OPCML: variants seen among roughly 807,000 people sequenced by gnomAD.
OPCML encodes opioid-binding protein/cell adhesion molecule.
OPCML carries 13 observed loss-of-function variants against 37.8 expected under a neutral mutation model. That is an observed-to-expected ratio of 0.34 (90% CI 0.22 to 0.55). OPCML has a LOEUF of 0.55. Ranked by LOEUF, OPCML falls within the 20% of genes least tolerant of loss-of-function variation. OPCML has a pLI of 0.91. For synonymous variants in OPCML, 176 were observed against 168.8 expected (o/e 1.04, Z -0.33); for missense variants, 341 against 435.6 (o/e 0.78, Z 1.93).
At chr11:133,372,778 T>C (rs1397168768) in intron 1 of OPCML, among the ~76,000 whole-genome samples, 1 of 152,220 alleles carries the variant, frequency 6.6e-6, no homozygotes, top group Non-Finnish European at 1.5e-5. Flanking sequence ...TTTGGTGGCC[T>C]TGTAGCAAGG....
intron 2 of OPCML, among the ~76,000 whole-genome samples, chr11:132,866,306 C>G (rs1189603645): frequency 1.3e-5 from 2 of 152,224 alleles, no homozygotes; most frequent in African/African-American, 4.8e-5. Context: ...GATTCTGCCA[C>G]ACCAAGGGGA....
chr11:132,780,704 G>C (rs1202818899), intron 2 of OPCML, among the ~76,000 whole-genome samples: 3 of 152,192 alleles, frequency 2.0e-5, no homozygotes, highest in Non-Finnish European at 4.4e-5. Context: ...GGCCGTGAGT[G>C]TGTGTCATGA....
chr11:132,799,899 G>A (rs977148143), intron 2 of OPCML, among the ~76,000 whole-genome samples: 9 of 151,998 alleles, frequency 5.9e-5, no homozygotes, highest in Non-Finnish European at 1.3e-4. Context: ...AGTTCATTTC[G>A]GCTATTCTGG....
chr11:132,922,674 T>C (rs995971912), intron 2 of OPCML, among the ~76,000 whole-genome samples: 2 of 152,184 alleles, frequency 1.3e-5, no homozygotes, highest in African/African-American at 4.8e-5. Context: ...TTTTGGTACA[T>C]TTTAACAAAA....
intron 1 of OPCML, among the ~76,000 whole-genome samples, chr11:133,354,837 G>A (rs1199702296): frequency 6.6e-6 from 1 of 152,164 alleles, no homozygotes; most frequent in Non-Finnish European, 1.5e-5. Context: ...AAATGCCTTA[G>A]CAATAAAAAT....
chr11:133,253,466 T>C (rs1941209600), intron 1 of OPCML, among the ~76,000 whole-genome samples: 1 of 152,142 alleles, frequency 6.6e-6, no homozygotes, highest in South Asian at 2.1e-4. Flanking sequence ...CGCACCACCA[T>C]GCTTGGCTAA....
intron 1 of OPCML, among the ~76,000 whole-genome samples, chr11:133,474,310 AC>A (rs772246237): frequency 1.9e-4 from 29 of 152,328 alleles, no homozygotes; most frequent in Non-Finnish European, 3.5e-4. Context: ...TCTTTGTAAC[AC>A]ACATTGTAAA....
rs551431417 is a variant in OPCML at position 133,295,148 on chromosome 11, A to G, written c.61+237116T>C. Among the ~76,000 whole-genome samples, 11 of 152,286 alleles carry G rather than the reference A, an allele frequency of 7.2e-5. No homozygotes were observed. In the East Asian group the frequency reaches 1.5e-3, roughly 21 times the overall value. ...CTGCAAACAGAAAGCTTCAAACCCA[A>G]CTTCTTTCACTAGGGGGATATTTTC... On this transcript the variant is annotated intron_variant, in intron 1 of 7. Transcript: ENST00000524381.
intron 1 of OPCML, chr11:133,418,453 T>C: frequency 3.0e-6 from 3 of 985,402 alleles, no homozygotes; most frequent in Non-Finnish European, 3.6e-6. Flanking sequence ...ATGACTTTGG[T>C]GTTTCTAGTA....
At chr11:133,398,456 C>T (rs1355540840) in intron 1 of OPCML, among the ~76,000 whole-genome samples, 2 of 152,288 alleles carry the variant, frequency 1.3e-5, no homozygotes, top group South Asian at 2.1e-4. Context: ...AAGTCTGGCT[C>T]ACAGCAGGGA....
intron 2 of OPCML, among the ~76,000 whole-genome samples, chr11:132,870,516 G>A (rs917897273): frequency 4.6e-5 from 7 of 151,892 alleles, no homozygotes; most frequent in African/African-American, 1.7e-4. Context: ...AATAAAAATG[G>A]CGCCACCCTA....
intron 1 of OPCML, among the ~76,000 whole-genome samples, chr11:133,428,606 C>T (rs946021578): frequency 7.9e-5 from 12 of 151,954 alleles, no homozygotes; most frequent in Admixed American, 7.9e-4. Context: ...TAGACTACAA[C>T]ATGTAGGATT....
In OPCML at chr11:132,785,141, C is replaced by T. The variant is rs535293264; in HGVS notation, c.147-127822G>A. Among the ~76,000 whole-genome samples the T allele has an allele frequency of 2.6e-5, 4 of 152,218 alleles. No homozygotes were observed. In the East Asian group the frequency reaches 5.8e-4, roughly 22 times the overall value. On this transcript the variant is annotated intron_variant, in intron 2 of 7. Coordinates refer to ENST00000524381, the MANE Select transcript of OPCML (RefSeq NM_001012393.5). ...TATTACAAGAACCTGAAGTTCAGTC[C>T]ACATAGCATTTTCACAAATAATAAT...
At chr11:133,327,687 G>A (rs1407440667) in intron 1 of OPCML, among the ~76,000 whole-genome samples, 1 of 152,080 alleles carries the variant, frequency 6.6e-6, no homozygotes, top group Admixed American at 6.5e-5. Context: ...TTTCATAATT[G>A]CCAGATTCTC....
intron 2 of OPCML, among the ~76,000 whole-genome samples, chr11:132,681,193 C>T (rs939055589): frequency 5.9e-5 from 9 of 152,162 alleles, no homozygotes; most frequent in African/African-American, 1.4e-4. Flanking sequence ...GAAAAGGGTG[C>T]GGTCCCTGGC....
At chr11:132,958,855 T>C (rs1004150249) in intron 1 of OPCML, among the ~76,000 whole-genome samples, 2 of 152,186 alleles carry the variant, frequency 1.3e-5, no homozygotes, top group African/African-American at 2.4e-5. Flanking sequence ...CCATTGACAA[T>C]TCACCTAGTT....
intron 3 of OPCML, among the ~76,000 whole-genome samples, chr11:132,570,788 T>G (rs867531316): frequency 0.016 from 1,749 of 107,842 alleles, 64 homozygotes; most frequent in Non-Finnish European, 0.024. Context: ...TATATATATA[T>G]ATATATATAT....
chr11:132,427,808 G>A (rs559761315), intron 7 of OPCML, among the ~76,000 whole-genome samples: 6 of 152,292 alleles, frequency 3.9e-5, no homozygotes, highest in South Asian at 4.1e-4. Context: ...GATTCAGAGC[G>A]AGGAGGGCGG....
chr11:132,798,809 C>T (rs1938479172), intron 2 of OPCML, among the ~76,000 whole-genome samples: 1 of 152,242 alleles, frequency 6.6e-6, no homozygotes, highest in African/African-American at 2.4e-5. Context: ...GTTTTGTTAA[C>T]AGGCATGAAA....
Sources: allele counts gnomAD v4.1 joint callset (sites outside exome capture counted in the v4.1 genomes callset), GRCh38; gene constraint gnomAD v4.1.1; transcripts MANE v1.5; gene names NCBI Gene and HGNC (gene_info 2026-07-23, HGNC 2026-07-21).